FLVCR1: variants seen among roughly 807,000 people sequenced by gnomAD.
The protein encoded by FLVCR1 is FLVCR choline and heme transporter 1.
A neutral mutation model predicts 53.6 loss-of-function variants in FLVCR1; 34 were observed. The observed-to-expected ratio is 0.63, with a 90% CI of 0.48 to 0.84. The LOEUF is 0.84. FLVCR1 is among the 40% of genes least tolerant of loss of function. The pLI is 0.00. For synonymous variants in FLVCR1, 300 were observed against 286.3 expected (o/e 1.05, Z -0.48); for missense variants, 677 against 696.7 (o/e 0.97, Z 0.32).
intron 2 of FLVCR1, among the ~76,000 whole-genome samples, chr1:212,865,980 G>GTTTTTTTTTT (rs1491202805): frequency 6.2e-5 from 2 of 32,090 alleles, no homozygotes; most frequent in African/African-American, 6.2e-5. Flanking sequence ...TTTGGGGTTT[G>GTTTTTTTTTT]GTTTTTTTTT....
chr1:212,864,578 G>C (rs968332122), intron 2 of FLVCR1: 2 of 152,398 alleles, frequency 1.3e-5, no homozygotes, highest in African/African-American at 4.8e-5. Flanking sequence ...AAAAGGATAG[G>C]TAAGGTTTAT....
intron 8 of FLVCR1, among the ~76,000 whole-genome samples, chr1:212,891,304 TGGG>T (rs1214364103): frequency 1.0e-4 from 6 of 58,728 alleles, no homozygotes; most frequent in African/African-American, 2.2e-4. Flanking sequence ...CTCAGCTACT[TGGG>T]AGGCTGAGGC....
At chr1:212,864,164 C>A (rs1260075287) in intron 2 of FLVCR1, among the ~76,000 whole-genome samples, 2 of 152,176 alleles carry the variant, frequency 1.3e-5, no homozygotes, top group African/African-American at 4.8e-5. Context: ...CCATATTCGC[C>A]TACATGGTCT....
At chr1:212,871,565 T>A (rs1020315467) in intron 2 of FLVCR1, among the ~76,000 whole-genome samples, 2 of 152,214 alleles carry the variant, frequency 1.3e-5, no homozygotes, top group Middle Eastern at 3.4e-3. Flanking sequence ...TACAGGTGCA[T>A]GCTGCCATGC....
At chr1:212,887,371 T>G (rs1665087607) in intron 5 of FLVCR1, among the ~76,000 whole-genome samples, 1 of 152,260 alleles carries the variant, frequency 6.6e-6, no homozygotes, top group East Asian at 1.9e-4. Flanking sequence ...TGTGTGCATC[T>G]TTCTTAGATG....
chr1:212,895,195 A>G, intron 9 of FLVCR1, 21 bp from the exon 10 acceptor site: 39 of 1,457,858 alleles, frequency 2.7e-5, no homozygotes, highest in Non-Finnish European at 3.7e-5. Flanking sequence ...TACATTTTTA[A>G]TCTTCTGATT....
chr1:212,890,910 C>T (rs1025524421), intron 8 of FLVCR1, among the ~76,000 whole-genome samples: 1 of 152,156 alleles, frequency 6.6e-6, no homozygotes, highest in African/African-American at 2.4e-5. Flanking sequence ...AGCATTCATT[C>T]ACGAAGCTAA....
intron 4 of FLVCR1, among the ~76,000 whole-genome samples, chr1:212,883,975 C>T (rs1353947996): frequency 1.3e-5 from 2 of 152,054 alleles, no homozygotes; most frequent in Admixed American, 6.6e-5. Context: ...ACAATGGCCT[C>T]CCATCATTTT....
At chr1:212,888,649 G>A in intron 7 of FLVCR1, 55 bp downstream of exon 7, 1 of 1,203,124 alleles carries the variant, frequency 8.3e-7, no homozygotes, top group Non-Finnish European at 1.2e-6. Context: ...ATATTCTAGT[G>A]AGTAATGAGT....
At chr1:212,861,762 C>T (rs866288828) in intron 1 of FLVCR1, among the ~76,000 whole-genome samples, 193 of 152,120 alleles carry the variant, frequency 1.3e-3, no homozygotes, top group Middle Eastern at 3.4e-3. Context: ...CTCTGCCTCC[C>T]GGGTTCATGC....
chr1:212,888,741 G>A (rs746019404), intron 7 of FLVCR1, 147 bp downstream of exon 7: 1 of 683,594 alleles, frequency 1.5e-6, no homozygotes, highest in Admixed American at 2.1e-5. Flanking sequence ...CTGGAGTGCA[G>A]TAGTGCAGTC....
intron 8 of FLVCR1, among the ~76,000 whole-genome samples, chr1:212,893,065 T>TTTTTTTGG (rs376805847): frequency 3.5e-5 from 5 of 142,306 alleles, no homozygotes; most frequent in African/African-American, 1.3e-4. Flanking sequence ...TCTTTTTTTT[T>TTTTTTTGG]GGGGGGGGGT....
Position 212,887,034 on chromosome 1 carries a change from T to A in FLVCR1, c.1197-857T>A, listed in dbSNP as rs562801429. 3.3e-5 allele frequency among the ~76,000 whole-genome samples: 5 copies of A among 152,282 alleles called. No individual in the cohort carries two copies. The South Asian group carries it at 1.0e-3, about 32-fold the overall frequency. On this transcript the variant is annotated intron_variant, in intron 5 of 9. Transcript: ENST00000366971. ...ACTATTAAGGAATAAATGAATGAAA[T>A]ATGGAACTGTGTCCCGTGTACCTTT...
At chr1:212,894,866 TA>T in intron 8 of FLVCR1, 119 bp from the exon 9 acceptor site, 1 of 762,736 alleles carries the variant, frequency 1.3e-6, no homozygotes, top group Non-Finnish European at 2.4e-6. Flanking sequence ...GTTGGGATGC[TA>T]TTAAATATCA....
intron 3 of FLVCR1, among the ~76,000 whole-genome samples, chr1:212,878,906 T>C (rs1664845063): frequency 6.6e-6 from 1 of 152,098 alleles, no homozygotes; most frequent in Non-Finnish European, 1.5e-5. Flanking sequence ...GGAGGATTGC[T>C]TGAGCCCAGG....
At position 212,858,512 on chromosome 1, in the gene FLVCR1, A is replaced by G; in HGVS notation, c.60A>G (p.Lys20=). 2.8e-6 allele frequency: 4 copies of G among 1,451,430 alleles called. No individual in the cohort carries two copies. The highest frequency in any genetic ancestry group is 3.6e-6 in the Non-Finnish European group (4 of 1,104,508). The allele number at this position is 1,451,430 out of a possible 1,614,324, so 89.9% of individuals were successfully genotyped here. Reference sequence around the variant, plus strand: ...TGGCGCCCGGACACCCGCTCGCGAAAGGATACCTCCCGTTGCCGAGGGGCG... The same window carrying G: ...TGGCGCCCGGACACCCGCTCGCGAAGGGATACCTCCCGTTGCCGAGGGGCG... ...AAVAPGHPLA[K]GYLPLPRGAP... The change falls in exon 1 of 10, where the codon AAA becomes AAG. Residue 20 remains lysine, a synonymous_variant. Coordinates refer to ENST00000366971, the MANE Select transcript of FLVCR1 (RefSeq NM_014053.4).
intron 2 of FLVCR1, 137 bp downstream of exon 2, chr1:212,864,006 G>C: frequency 1.4e-6 from 1 of 738,748 alleles, no homozygotes; most frequent in East Asian, 2.7e-5. Flanking sequence ...GTCTTGCTCA[G>C]GTAATGAATG....
intron 2 of FLVCR1, among the ~76,000 whole-genome samples, chr1:212,867,313 G>A (rs913774819): frequency 6.6e-6 from 1 of 152,110 alleles, no homozygotes; most frequent in African/African-American, 2.4e-5. Flanking sequence ...CTCTATTATA[G>A]CCTCAAACAT....
chr1:212,896,606 C>T lies in FLVCR1; in HGVS notation c.*1316C>T, dbSNP rs1665340421. On this transcript the variant is annotated 3_prime_UTR_variant, in exon 10 of 10. Coordinates refer to ENST00000366971, the MANE Select transcript of FLVCR1 (RefSeq NM_014053.4). ...TTCATAGTAATGACATTTGATCAGCCATAAAATTTACATTATGTTCATATG... is the reference window on the plus strand; with the variant it reads ...TTCATAGTAATGACATTTGATCAGCTATAAAATTTACATTATGTTCATATG... 1 of 152,014 alleles carries T rather than the reference C, an allele frequency of 6.6e-6. No individual in the cohort carries two copies. The highest frequency in any genetic ancestry group is 1.5e-5 in the Non-Finnish European group (1 of 68,022). The allele number at this position is 152,014 out of a possible 1,614,324, so 9.4% of individuals were successfully genotyped here.
Sources: allele counts gnomAD v4.1 joint callset (sites outside exome capture counted in the v4.1 genomes callset), GRCh38; gene constraint gnomAD v4.1.1; transcripts MANE v1.5; gene names NCBI Gene and HGNC (gene_info 2026-07-23, HGNC 2026-07-21).